Variants in MAP2K5 observed in about 807,000 individuals in gnomAD.
MAP2K5 encodes dual specificity mitogen-activated protein kinase kinase 5.
Under a neutral mutation model 83.1 loss-of-function variants are expected in MAP2K5, and 49 were observed. The observed-to-expected ratio is 0.59, with a 90% CI of 0.47 to 0.75. MAP2K5 has a LOEUF of 0.75. Ranked by LOEUF, MAP2K5 falls within the 30% of genes least tolerant of loss-of-function variation. MAP2K5 has a pLI of 0.00. For synonymous variants in MAP2K5, 202 were observed against 191.8 expected, an observed-to-expected ratio of 1.05 and a Z score of -0.44; for missense variants, 457 against 557.5, an observed-to-expected ratio of 0.82 and a Z score of 1.82.
At chr15:67,634,078 G>T (rs1163389536) in intron 9 of MAP2K5, among the ~76,000 whole-genome samples, 1 of 151,994 alleles carries the variant, frequency 6.6e-6, no homozygotes, top group Non-Finnish European at 1.5e-5. Context: ...CACATGAAAA[G>T]AATGTATAGC....
At chr15:67,579,071 G>A (rs1278191110) in intron 3 of MAP2K5, among the ~76,000 whole-genome samples, 2 of 152,202 alleles carry the variant, frequency 1.3e-5, no homozygotes, top group South Asian at 2.1e-4. Context: ...CACTGCTGTT[G>A]TCTTGTATCA....
chr15:67,556,573 A>T (rs1416729639), intron 2 of MAP2K5, among the ~76,000 whole-genome samples: 9 of 124,846 alleles, frequency 7.2e-5, no homozygotes, highest in Non-Finnish European at 9.7e-5. Context: ...TTTTTTTGAG[A>T]TGGAGTCTTG....
chr15:67,582,823 AACACACACAC>A (rs10579310), intron 4 of MAP2K5, among the ~76,000 whole-genome samples: 2 of 148,138 alleles, frequency 1.4e-5, no homozygotes, highest in Admixed American at 6.7e-5. Flanking sequence ...ATTGTCTCAA[AACACACACAC>A]ACACACACAC....
chr15:67,575,896 T>TTTTTCTTTCTTTCTTTC (rs1555527919), intron 3 of MAP2K5, among the ~76,000 whole-genome samples: 1 of 68,412 alleles, frequency 1.5e-5, no homozygotes, highest in African/African-American at 7.3e-5. Flanking sequence ...TCTCTTCTTT[T>TTTTTCTTTCTTTCTTTC]TTTCTTTCTT....
intron 21 of MAP2K5, among the ~76,000 whole-genome samples, chr15:67,797,207 T>A (rs2090620046): frequency 1.3e-5 from 2 of 152,236 alleles, no homozygotes; most frequent in African/African-American, 2.4e-5. Context: ...TGTCCCCTTG[T>A]TTTTAGATCT....
At position 67,769,385 on chromosome 15, in the gene MAP2K5, T is replaced by C. The variant is rs1169737752; in HGVS notation, c.1135-217T>C. ...TTTTTTCACCTCCCCCTCTCTCAGC[T>C]CTCATGTTTCTCACCATTGTAAAAT... On this transcript the variant is annotated intron_variant, in intron 19 of 21. Coordinates refer to ENST00000178640, the MANE Select transcript of MAP2K5 (RefSeq NM_145160.3). The surrounding 1 kb of genome is among the most constrained non-coding windows in gnomAD (Gnocchi z 5.2). Among the ~76,000 whole-genome samples the C allele has an allele frequency of 1.3e-5, 2 of 152,186 alleles. No individual in the cohort carries two copies. Among genetic ancestry groups the C allele is most frequent in the Non-Finnish European group, 2.9e-5 (2 of 68,022 alleles).
chr15:67,679,872 G>A (rs1249721593), intron 13 of MAP2K5: 12 of 152,146 alleles, frequency 7.9e-5, no homozygotes, highest in African/African-American at 4.8e-5. Context: ...ACTCAATTCA[G>A]TGATTTTTAG....
At chr15:67,621,332 G>C (rs1422463391) in intron 8 of MAP2K5, among the ~76,000 whole-genome samples, 1 of 151,418 alleles carries the variant, frequency 6.6e-6, no homozygotes, top group East Asian at 1.9e-4. Context: ...AGAATAACTG[G>C]GTATGATATG....
chr15:67,727,846 C>A (rs1227262068), intron 16 of MAP2K5, 70 bp from the exon 17 acceptor site: 2 of 1,127,590 alleles, frequency 1.8e-6, no homozygotes, highest in Non-Finnish European at 1.4e-6. Context: ...AAATTTAGTA[C>A]TTGTCTGTCT....
At chr15:67,571,555 C>T (rs1206803932) in intron 3 of MAP2K5, among the ~76,000 whole-genome samples, 1 of 151,948 alleles carries the variant, frequency 6.6e-6, no homozygotes, top group Non-Finnish European at 1.5e-5. Context: ...TCTATGTACT[C>T]TTACTTGGAA....
intron 19 of MAP2K5, among the ~76,000 whole-genome samples, chr15:67,752,965 A>G (rs1250456611): frequency 1.3e-5 from 2 of 152,192 alleles, no homozygotes; most frequent in African/African-American, 2.4e-5. Context: ...CTACAAAATT[A>G]CACTGATCAA....
At chr15:67,729,724 A>G (rs897771529) in intron 17 of MAP2K5, among the ~76,000 whole-genome samples, 1 of 152,196 alleles carries the variant, frequency 6.6e-6, no homozygotes, top group Non-Finnish European at 1.5e-5. Context: ...AGATCACGCC[A>G]CTGCACTCCA....
At chr15:67,564,878 A>G (rs2084807150) in intron 3 of MAP2K5, among the ~76,000 whole-genome samples, 1 of 152,226 alleles carries the variant, frequency 6.6e-6, no homozygotes, top group Non-Finnish European at 1.5e-5. Flanking sequence ...TGCAAAAGAT[A>G]TGTACTTTTG....
At position 67,577,248 on chromosome 15, in the gene MAP2K5, A is replaced by G. The variant is rs796203073; in HGVS notation, c.253-3506A>G. 1.1e-4 allele frequency among the ~76,000 whole-genome samples: 17 copies of G among 152,184 alleles called. No homozygotes were observed. The highest frequency in any genetic ancestry group is 4.1e-4 in the African/African-American group (17 of 41,516). ...CCGTGCCCGGCCAGTAACCCTATAT[A>G]TTAGGGTAAATATTTTTATGCTCAT... is the stretch of plus-strand genomic sequence containing the variant. On this transcript the variant is annotated intron_variant, in intron 3 of 21. Coordinates refer to ENST00000178640, the MANE Select transcript of MAP2K5 (RefSeq NM_145160.3). This position sits in a 1 kb window ranked among gnomAD's most constrained non-coding sequence, Gnocchi z 4.1.
At chr15:67,703,271 T>G in intron 15 of MAP2K5, 66 bp from the exon 16 acceptor site, 2 of 1,186,936 alleles carry the variant, frequency 1.7e-6, no homozygotes, top group Non-Finnish European at 2.5e-6. Context: ...GCTGAGCTTA[T>G]TTTGGTGTAT....
At chr15:67,671,846 T>C (rs2087547802) in intron 13 of MAP2K5, among the ~76,000 whole-genome samples, 1 of 126,270 alleles carries the variant, frequency 7.9e-6, no homozygotes, top group East Asian at 2.4e-4. Flanking sequence ...CAGAGTGTGA[T>C]GTTCCCCTTC....
In MAP2K5 at chr15:67,722,242, A is replaced by G. The variant is rs188615205; in HGVS notation, c.1045-5674A>G. On this transcript the variant is annotated intron_variant, in intron 16 of 21. Transcript: ENST00000178640. The surrounding 1 kb of genome is among the most constrained non-coding windows in gnomAD (Gnocchi z 4.2). ...TCAGCTAATGGCGTTATACATTAAA[A>G]ATTGAAGCTTTCCTCACTCTGAGGC... Among the ~76,000 whole-genome samples the G allele has an allele frequency of 1.3e-3, 203 of 152,320 alleles. 2 individuals are homozygous for G. Among genetic ancestry groups the G allele is most frequent in the African/African-American group, 4.8e-3 (200 of 41,558 alleles).
chr15:67,554,595 T>G (rs1367693277), intron 2 of MAP2K5, among the ~76,000 whole-genome samples: 1 of 152,174 alleles, frequency 6.6e-6, no homozygotes, highest in African/African-American at 2.4e-5. Context: ...CAATGAAACC[T>G]CCGGTGATTC....
chr15:67,567,654 G>A (rs1363365920), intron 3 of MAP2K5, among the ~76,000 whole-genome samples: 2 of 152,088 alleles, frequency 1.3e-5, no homozygotes, highest in Admixed American at 6.5e-5. Flanking sequence ...GTGAGCCACC[G>A]CGCCCGGCCT....
Sources: gnomAD v4.1 joint callset for allele counts (sites outside exome capture counted in the v4.1 genomes callset) on GRCh38, gnomAD v4.1.1 for gene constraint, Gnocchi (gnomAD v3.1) non-coding constraint, MANE v1.5 for transcripts, NCBI Gene and HGNC (gene_info 2026-07-23, HGNC 2026-07-21) for gene names.